Variants in AFF2 observed in about 807,000 individuals in gnomAD.
The protein encoded by AFF2 is ALF transcription elongation factor 2.
A neutral mutation model predicts 76.9 loss-of-function variants in AFF2; 14 were observed. The ratio of observed to expected loss-of-function variants is 0.18; its 90% CI spans 0.12 to 0.28. The LOEUF (loss-of-function observed/expected upper bound fraction) is 0.28. Among genes scored for constraint, AFF2 ranks in the 10% least tolerant of loss-of-function variants. The pLI is 1.00. For missense variants in AFF2, 868 were observed against 1,001.1 expected, an observed-to-expected ratio of 0.87 and a Z score of 1.79; for synonymous variants, 398 against 366.7, an observed-to-expected ratio of 1.09 and a Z score of -0.98.
At chrX:148,526,397 A>C (rs1241014093) in intron 1 of AFF2, among the ~76,000 whole-genome samples, 2 of 101,673 alleles carry the variant, frequency 2.0e-5, no homozygotes, top group African/African-American at 7.2e-5. Flanking sequence ...TTGATGCACA[A>C]ATTTTCCCAG....
At chrX:148,727,919 A>C (rs1557264373) in intron 3 of AFF2, among the ~76,000 whole-genome samples, 3 of 112,175 alleles carry the variant, frequency 2.7e-5, no homozygotes. Flanking sequence ...GAGTTCCGAT[A>C]AAAAGATACT....
At chrX:148,600,474 T>A (rs1253009644) in intron 1 of AFF2, among the ~76,000 whole-genome samples, 1 of 111,943 alleles carries the variant, frequency 8.9e-6, no homozygotes, top group Non-Finnish European at 1.9e-5. Context: ...TGATATTTTC[T>A]GGTCAAGTCG....
intron 1 of AFF2, among the ~76,000 whole-genome samples, chrX:148,557,354 G>A (rs1484355213): frequency 8.9e-6 from 1 of 111,880 alleles, no homozygotes; most frequent in South Asian, 3.7e-4. Context: ...TATCACTTAC[G>A]GCCTATTTTG....
intron 4 of AFF2, among the ~76,000 whole-genome samples, chrX:148,832,618 A>G (rs1238094386): frequency 8.9e-6 from 1 of 111,770 alleles, no homozygotes; most frequent in Non-Finnish European, 1.9e-5. Context: ...GTACAACACT[A>G]TATGGTTTAC....
chrX:148,916,196 C>CTTTTTTTTTTTTTTTTTTTT (rs782508166), intron 9 of AFF2, among the ~76,000 whole-genome samples: 1 of 34,032 alleles, frequency 2.9e-5, no homozygotes, highest in African/African-American at 1.2e-4. Context: ...GTGGTTTTAA[C>CTTTTTTTTTTTTTTTTTTTT]TTTTTTTTTT....
chrX:148,788,546 C>G (rs2069852171), intron 3 of AFF2, among the ~76,000 whole-genome samples: 1 of 112,006 alleles, frequency 8.9e-6, no homozygotes, highest in African/African-American at 3.2e-5. Flanking sequence ...TCACCACCCT[C>G]TTCTTTATGC....
rs201614783 is a variant in AFF2 at position 148,953,812 on chromosome X, CAG to C, written c.1557+75_1557+76del. 2,672 of 685,439 alleles carry C rather than the reference CAG, an allele frequency of 3.9e-3. 36 individuals carry two copies. Among genetic ancestry groups the C allele is most frequent in the African/African-American group, 0.033 (1,374 of 41,151 alleles). The allele number at this position is 685,439 out of a possible 1,213,427, so 56.5% of individuals were successfully genotyped here. On this transcript the variant is annotated intron_variant, in intron 10 of 20. Coordinates refer to ENST00000370460, the MANE Select transcript of AFF2 (RefSeq NM_002025.4). ...GCAGCACCCTCAACACACACACACACAGACACACACACACACACACACACTTT... is the reference window on the plus strand; with the variant it reads ...GCAGCACCCTCAACACACACACACACACACACACACACACACACACACTTT...
Position 148,835,721 on chromosome X carries a change from G to A in AFF2, c.1087-1926G>A, listed in dbSNP as rs781796526. On this transcript the variant is annotated intron_variant, in intron 4 of 20. Transcript: ENST00000370460. ...GATGGTCTCGATCTCTTGACCTCGT[G>A]ATCCACCCACCTCGGGCTCCCAAAG... Among the ~76,000 whole-genome samples, 13 of 109,700 alleles carry A rather than the reference G, an allele frequency of 1.2e-4. No individual in the cohort carries two copies. In the South Asian group the frequency reaches 3.6e-3, roughly 30 times the overall value.
At chrX:148,942,562 G>GT (rs1338197922) in intron 9 of AFF2, among the ~76,000 whole-genome samples, 1 of 111,164 alleles carries the variant, frequency 9.0e-6, no homozygotes, top group Non-Finnish European at 1.9e-5. Context: ...CACGCCTGTA[G>GT]TTCCAGTACT....
intron 3 of AFF2, among the ~76,000 whole-genome samples, chrX:148,768,202 A>G (rs2069542678): frequency 9.4e-6 from 1 of 106,861 alleles, no homozygotes; most frequent in Admixed American, 1.0e-4. Context: ...AATCACCCTC[A>G]CCCCCAAATC....
chrX:148,895,623 A>G (rs1453819541), intron 8 of AFF2, among the ~76,000 whole-genome samples: 1 of 108,890 alleles, frequency 9.2e-6, no homozygotes, highest in Non-Finnish European at 1.9e-5. Context: ...GAGGGGAGAG[A>G]GAGAGAGAGA....
intron 1 of AFF2, among the ~76,000 whole-genome samples, chrX:148,542,747 A>T: frequency 8.9e-6 from 1 of 111,779 alleles, no homozygotes; most frequent in East Asian, 2.8e-4. Context: ...TATATTTATG[A>T]GTTCCTCTAG....
chrX:148,646,301 GT>G lies in AFF2; in HGVS notation c.48-5696del, dbSNP rs781838040. Among the ~76,000 whole-genome samples the G allele has an allele frequency of 2.1e-4, 23 of 111,920 alleles. No homozygotes were observed. The East Asian group carries it at 3.4e-3, about 16-fold the overall frequency. The stretch of plus-strand genomic sequence containing the variant: ...AATGGGTGAAATTGTAGCTATATTA[GT>G]TATATCTCAATCAAGCTGTTATTAA... On this transcript the variant is annotated intron_variant, in intron 1 of 20. Coordinates refer to ENST00000370460, the MANE Select transcript of AFF2 (RefSeq NM_002025.4).
chrX:148,719,283 C>T, intron 3 of AFF2: 1 of 943,702 alleles, frequency 1.1e-6, no homozygotes, highest in Non-Finnish European at 1.5e-6. Flanking sequence ...AAAGGCTTAA[C>T]AAGTAGCTTT....
At chrX:148,724,509 T>C (rs782634598) in intron 3 of AFF2, among the ~76,000 whole-genome samples, 43 of 112,309 alleles carry the variant, frequency 3.8e-4, no homozygotes, top group African/African-American at 1.4e-3. Context: ...TGAGAACTTA[T>C]GATGAATAAA....
In AFF2 at chrX:148,987,532, C is replaced by A. The variant is rs782762482; in HGVS notation, c.3789C>A (p.Ala1263=). 8.3e-7 allele frequency: 1 copy of A among 1,208,730 alleles called. No homozygotes were observed. The highest frequency in any genetic ancestry group is 1.8e-5 in the South Asian group (1 of 56,559). Residue 1263 remains alanine, a synonymous_variant, in exon 20 of 21, where the codon GCC becomes GCA. Coordinates refer to ENST00000370460, the MANE Select transcript of AFF2 (RefSeq NM_002025.4). The part of the protein sequence containing the change: ...VLRGYEHWDM[A]DKLTRENKEF... ...GGGGCTATGAACACTGGGATATGGCCGACAAACTGACAAGAGAAAACAAAG... is the reference window on the plus strand; with the variant it reads ...GGGGCTATGAACACTGGGATATGGCAGACAAACTGACAAGAGAAAACAAAG...
At chrX:148,793,015 A>G (rs1557270067) in intron 3 of AFF2, among the ~76,000 whole-genome samples, 4 of 111,756 alleles carry the variant, frequency 3.6e-5, no homozygotes, top group Non-Finnish European at 7.5e-5. Flanking sequence ...CACTTAAATC[A>G]TAACTTACAA....
intron 3 of AFF2, among the ~76,000 whole-genome samples, chrX:148,762,423 A>G (rs1490001324): frequency 9.5e-6 from 1 of 105,325 alleles, no homozygotes; most frequent in Non-Finnish European, 1.9e-5. Flanking sequence ...ATATATATAC[A>G]CATGCACACA....
intron 3 of AFF2, among the ~76,000 whole-genome samples, chrX:148,702,846 A>G (rs909131527): frequency 8.9e-6 from 1 of 112,426 alleles, no homozygotes; most frequent in Non-Finnish European, 1.9e-5. Flanking sequence ...GCATACGGTT[A>G]TGATTTTAGC....
Sources: allele counts gnomAD v4.1 joint callset (sites outside exome capture counted in the v4.1 genomes callset), GRCh38; gene constraint gnomAD v4.1.1; transcripts MANE v1.5; gene names NCBI Gene and HGNC (gene_info 2026-07-23, HGNC 2026-07-21).